KAZN: variants seen among roughly 807,000 people sequenced by gnomAD.
KAZN encodes the protein kazrin, periplakin interacting protein, also known as kazrin.
Under a neutral mutation model 87.4 loss-of-function variants are expected in KAZN, and 40 were observed. The observed-to-expected ratio is 0.46, with a 90% CI of 0.36 to 0.60. KAZN has a LOEUF of 0.60. Ranked by LOEUF, KAZN falls within the 20% of genes least tolerant of loss-of-function variation. The pLI, the probability that KAZN is intolerant of heterozygous loss-of-function variation, is 0.00. For missense variants in KAZN, 898 were observed against 1,073.9 expected, an observed-to-expected ratio of 0.84 and a Z score of 2.29; for synonymous variants, 466 against 458.3, an observed-to-expected ratio of 1.02 and a Z score of -0.22.
chr1:14,592,780 G>T (rs1676281136), intron 2 of KAZN, among the ~76,000 whole-genome samples: 1 of 152,202 alleles, frequency 6.6e-6, no homozygotes, highest in Admixed American at 6.5e-5. Flanking sequence ...GGGTCAAGAA[G>T]TTCATCACTC....
intron 1 of KAZN, among the ~76,000 whole-genome samples, chr1:14,870,723 C>T (rs1652041213): frequency 6.6e-6 from 1 of 152,208 alleles, no homozygotes; most frequent in South Asian, 2.1e-4. Flanking sequence ...AGCTTCACAT[C>T]TGGCACAATT....
In KAZN at chr1:13,928,761, T is replaced by C. The variant is rs1324104681; in HGVS notation, c.91+35005T>C. Among the ~76,000 whole-genome samples the C allele has an allele frequency of 2.0e-5, 3 of 152,208 alleles. No individual in the cohort carries two copies. The East Asian group carries it at 5.8e-4, about 29-fold the overall frequency. On this transcript the variant is annotated intron_variant, in intron 1 of 16. Coordinates refer to the KAZN transcript ENST00000636203. Reference sequence around the variant, plus strand: ...CTAGGTAGGAGAATTCTTTAAAGCATTGCCTTTTCACAAAATATTTTGATC... The same window carrying C: ...CTAGGTAGGAGAATTCTTTAAAGCACTGCCTTTTCACAAAATATTTTGATC...
chr1:14,693,180 G>A (rs138446299), intron 1 of KAZN, among the ~76,000 whole-genome samples: 5 of 152,218 alleles, frequency 3.3e-5, no homozygotes, highest in East Asian at 1.9e-4. Flanking sequence ...TTTGGCTTTC[G>A]GACAACTTGG....
At chr1:14,623,459 G>A (rs1052455656) in intron 1 of KAZN, among the ~76,000 whole-genome samples, 2 of 152,184 alleles carry the variant, frequency 1.3e-5, no homozygotes, top group African/African-American at 4.8e-5. Flanking sequence ...AGACACTGGG[G>A]CCTACCTGAG....
intron 1 of KAZN, among the ~76,000 whole-genome samples, chr1:14,852,136 T>G (rs1413212220): frequency 6.6e-6 from 1 of 152,188 alleles, no homozygotes; most frequent in Non-Finnish European, 1.5e-5. Flanking sequence ...CTGGATCTCC[T>G]TCTCCTTCTC....
At chr1:14,405,028 G>A (rs1301549982) in intron 2 of KAZN, among the ~76,000 whole-genome samples, 1 of 152,168 alleles carries the variant, frequency 6.6e-6, no homozygotes, top group African/African-American at 2.4e-5. Context: ...AGGCAGCTAA[G>A]AAACATCTTG....
intron 2 of KAZN, among the ~76,000 whole-genome samples, chr1:14,261,987 A>G (rs1651060678): frequency 1.3e-5 from 2 of 152,216 alleles, no homozygotes; most frequent in Admixed American, 1.3e-4. Flanking sequence ...GGGGACACAT[A>G]GAAGAACCCT....
At chr1:14,896,041 C>CTTTTTTTTTT (rs201188620) in intron 1 of KAZN, among the ~76,000 whole-genome samples, 28 of 140,708 alleles carry the variant, frequency 2.0e-4, no homozygotes, top group African/African-American at 7.5e-4. Flanking sequence ...AAAAAGACGC[C>CTTTTTTTTTT]TTTTTTTTTT....
intron 2 of KAZN, among the ~76,000 whole-genome samples, chr1:14,461,224 G>C (rs1667833391): frequency 6.6e-6 from 1 of 152,078 alleles, no homozygotes; most frequent in Admixed American, 6.5e-5. Context: ...TTCTGGGAGG[G>C]TGATGTGGTT....
At chr1:14,521,942 T>C (rs1571855741) in intron 2 of KAZN, among the ~76,000 whole-genome samples, 1 of 152,194 alleles carries the variant, frequency 6.6e-6, no homozygotes, top group East Asian at 1.9e-4. Context: ...TTTCAGTGAG[T>C]ACTGTGGCTA....
At chr1:14,960,540 G>T in intron 1 of KAZN, 144 bp from the exon 2 acceptor site, 1 of 804,048 alleles carries the variant, frequency 1.2e-6, no homozygotes, top group Non-Finnish European at 1.9e-6. Context: ...TTGGAATAAG[G>T]CAGTGGCCTC....
chr1:14,277,781 G>A (rs1652499701), intron 2 of KAZN, among the ~76,000 whole-genome samples: 1 of 151,882 alleles, frequency 6.6e-6, no homozygotes, highest in South Asian at 2.1e-4. Flanking sequence ...CACACCCGTG[G>A]CTCCCTCCAA....
At chr1:15,023,864 GC>G (rs957256460) in intron 2 of KAZN, among the ~76,000 whole-genome samples, 5 of 151,116 alleles carry the variant, frequency 3.3e-5, no homozygotes, top group Admixed American at 2.0e-4. Flanking sequence ...GGCAGAGCTG[GC>G]GTGGTCGGCT....
chr1:14,275,421 A>G (rs2100695449), intron 2 of KAZN, among the ~76,000 whole-genome samples: 1 of 148,590 alleles, frequency 6.7e-6, no homozygotes, highest in South Asian at 2.1e-4. Context: ...TGCATCGTGA[A>G]AACTGCAGCC....
At chr1:14,608,089 T>C (rs1391933009) in intron 1 of KAZN, among the ~76,000 whole-genome samples, 1 of 152,232 alleles carries the variant, frequency 6.6e-6, no homozygotes, top group Non-Finnish European at 1.5e-5. Context: ...GAACACAGGT[T>C]CACACGTTTG....
At chr1:14,397,118 CTCTG>C (rs1472816384) in intron 2 of KAZN, among the ~76,000 whole-genome samples, 1 of 152,186 alleles carries the variant, frequency 6.6e-6, no homozygotes, top group African/African-American at 2.4e-5. Context: ...CTTCCTCTCT[CTCTG>C]TAGCTATAGT....
intron 2 of KAZN, among the ~76,000 whole-genome samples, chr1:14,588,123 G>A (rs1376063241): frequency 1.3e-5 from 2 of 152,092 alleles, no homozygotes; most frequent in Non-Finnish European, 2.9e-5. Flanking sequence ...GATGATCATG[G>A]TAGCTTCTTC....
At chr1:14,428,824 G>C (rs912340852) in intron 2 of KAZN, among the ~76,000 whole-genome samples, 2 of 151,904 alleles carry the variant, frequency 1.3e-5, no homozygotes, top group South Asian at 4.2e-4. Flanking sequence ...ATCTCCACCT[G>C]GTCCCTCCCA....
intron 2 of KAZN, among the ~76,000 whole-genome samples, chr1:14,300,187 G>T (rs1654442961): frequency 6.6e-6 from 1 of 152,184 alleles, no homozygotes; most frequent in Non-Finnish European, 1.5e-5. Context: ...CCCTAGGACA[G>T]GATCCTGCAG....
Sources: allele counts gnomAD v4.1 joint callset (sites outside exome capture counted in the v4.1 genomes callset), GRCh38; gene constraint gnomAD v4.1.1; transcripts MANE v1.5; gene names NCBI Gene and HGNC (gene_info 2026-07-23, HGNC 2026-07-21).